Variants in DOCK3 observed in about 807,000 individuals in gnomAD.
The protein encoded by DOCK3 is dedicator of cytokinesis protein 3.
In DOCK3, 60 loss-of-function variants were observed where a neutral mutation model predicts 265.6. The ratio of observed to expected loss-of-function variants is 0.23; its 90% CI spans 0.18 to 0.28. The LOEUF is 0.28. DOCK3 is among the 10% of genes least tolerant of loss of function. The pLI is 1.00. For missense variants in DOCK3, 1,981 were observed against 2,594.3 expected (o/e 0.76, Z 5.14); for synonymous variants, 881 against 938.0 (o/e 0.94, Z 1.11).
chr3:50,964,870 A>G (rs2076985386), intron 5 of DOCK3, among the ~76,000 whole-genome samples: 1 of 152,144 alleles, frequency 6.6e-6, no homozygotes, highest in Admixed American at 6.5e-5. Flanking sequence ...AGAATAAAAA[A>G]TAAGGATAAC....
chr3:50,741,429 C>T (rs1576301384), intron 1 of DOCK3, among the ~76,000 whole-genome samples: 1 of 113,966 alleles, frequency 8.8e-6, no homozygotes. Context: ...CCCCCCTCCC[C>T]CCACCCCACA....
intron 4 of DOCK3, among the ~76,000 whole-genome samples, chr3:50,918,135 A>G (rs2050227524): frequency 6.6e-6 from 1 of 152,094 alleles, no homozygotes; most frequent in African/African-American, 2.4e-5. Context: ...TATGTGTGCC[A>G]CATTTTCTTA....
chr3:50,684,935 C>CA (rs1415455599), intron 1 of DOCK3, among the ~76,000 whole-genome samples: 3 of 150,578 alleles, frequency 2.0e-5, no homozygotes, highest in Admixed American at 6.6e-5. Flanking sequence ...TCAGTAAATA[C>CA]AAAAAAAATA....
intron 5 of DOCK3, among the ~76,000 whole-genome samples, chr3:50,958,677 A>G (rs973304643): frequency 1.3e-5 from 2 of 152,172 alleles, no homozygotes; most frequent in Admixed American, 6.5e-5. Flanking sequence ...AATGCTTTCT[A>G]TGTTCAGTAC....
intron 4 of DOCK3, among the ~76,000 whole-genome samples, chr3:50,923,173 G>A (rs888384688): frequency 1.4e-4 from 22 of 152,250 alleles, no homozygotes; most frequent in African/African-American, 5.3e-4. Flanking sequence ...GTTGATTGAT[G>A]GGCATGTAGC....
chr3:50,911,512 A>G (rs751256309), intron 4 of DOCK3, among the ~76,000 whole-genome samples: 9 of 152,032 alleles, frequency 5.9e-5, no homozygotes, highest in South Asian at 2.1e-4. Flanking sequence ...TCATTGCTCT[A>G]TGTATCTGTT....
At chr3:50,741,264 CTGTT>C (rs2039007093) in intron 1 of DOCK3, among the ~76,000 whole-genome samples, 1 of 36,486 alleles carries the variant, frequency 2.7e-5, no homozygotes, top group South Asian at 1.2e-3. Context: ...GTTTCAGTCT[CTGTT>C]TTTTTATTTT....
chr3:50,779,865 A>G (rs2041825784), intron 2 of DOCK3, among the ~76,000 whole-genome samples: 1 of 152,192 alleles, frequency 6.6e-6, no homozygotes, highest in African/African-American at 2.4e-5. Flanking sequence ...CAAAAGCAAA[A>G]TTGATGCCAT....
At chr3:50,848,846 A>T (rs1037672754) in intron 3 of DOCK3, among the ~76,000 whole-genome samples, 3 of 152,128 alleles carry the variant, frequency 2.0e-5, no homozygotes, top group Non-Finnish European at 4.4e-5. Context: ...TGCTAGTAAG[A>T]TTAGGGAAAT....
intron 5 of DOCK3, among the ~76,000 whole-genome samples, chr3:50,973,921 G>T (rs1168906250): frequency 7.2e-6 from 1 of 139,842 alleles, no homozygotes; most frequent in Non-Finnish European, 1.6e-5. Context: ...GTGTTTTTTG[G>T]CTGCATAAAT....
chr3:51,251,313 G>T (rs200696124), intron 22 of DOCK3, among the ~76,000 whole-genome samples: 4 of 152,210 alleles, frequency 2.6e-5, no homozygotes, highest in African/African-American at 9.6e-5. Context: ...ATTGTGAATA[G>T]TGCCGCAGTA....
intron 3 of DOCK3, among the ~76,000 whole-genome samples, chr3:50,888,428 A>G (rs541444664): frequency 3.2e-4 from 49 of 152,314 alleles, no homozygotes; most frequent in Non-Finnish European, 5.6e-4. Flanking sequence ...GAAAATGGCC[A>G]TACTGCCCAA....
At chr3:50,906,448 A>T (rs1453928477) in intron 4 of DOCK3, among the ~76,000 whole-genome samples, 1 of 151,952 alleles carries the variant, frequency 6.6e-6, no homozygotes, top group Non-Finnish European at 1.5e-5. Flanking sequence ...AGAGCCTGTT[A>T]TTCGTCTATT....
intron 27 of DOCK3, among the ~76,000 whole-genome samples, chr3:51,309,064 A>T (rs999730415): frequency 6.8e-6 from 1 of 146,276 alleles, no homozygotes; most frequent in African/African-American, 2.6e-5. Context: ...CCTAGATGGG[A>T]TGGCGGGCGG....
intron 31 of DOCK3, among the ~76,000 whole-genome samples, chr3:51,313,420 G>A (rs1401728234): frequency 6.6e-6 from 1 of 152,232 alleles, no homozygotes; most frequent in Non-Finnish European, 1.5e-5. Flanking sequence ...CAACCTCTGG[G>A]TGAGATCAGT....
At chr3:50,803,218 G>A (rs554979187) in intron 2 of DOCK3, among the ~76,000 whole-genome samples, 7 of 152,068 alleles carry the variant, frequency 4.6e-5, no homozygotes, top group Non-Finnish European at 5.9e-5. Flanking sequence ...AGAGGACCCT[G>A]CAGCCTTCTG....
intron 5 of DOCK3, among the ~76,000 whole-genome samples, chr3:51,002,338 G>A (rs553672545): frequency 3.3e-5 from 5 of 152,000 alleles, no homozygotes; most frequent in African/African-American, 1.2e-4. Context: ...CTATATTCTG[G>A]GTATTAGTCC....
intron 27 of DOCK3, among the ~76,000 whole-genome samples, chr3:51,283,391 G>A (rs910670718): frequency 6.6e-6 from 1 of 152,152 alleles, no homozygotes; most frequent in African/African-American, 2.4e-5. Flanking sequence ...CCAACTCTGG[G>A]AGGGGAGGAA....
chr3:51,329,442 TA>T (rs575370738), intron 32 of DOCK3, among the ~76,000 whole-genome samples: 1 of 151,348 alleles, frequency 6.6e-6, no homozygotes, highest in African/African-American at 2.4e-5. Context: ...AAATTAAATT[TA>T]AAAAAAAAGT....
Sources: gnomAD v4.1 joint callset for allele counts (sites outside exome capture counted in the v4.1 genomes callset) on GRCh38, gnomAD v4.1.1 for gene constraint, MANE v1.5 for transcripts, NCBI Gene and HGNC (gene_info 2026-07-23, HGNC 2026-07-21) for gene names.